The following CHERP variants were observed in gnomAD, a reference collection of about 807,000 sequenced individuals.
CHERP encodes ERPROT 213-21.
Under a neutral mutation model 113.8 loss-of-function variants are expected in CHERP, and 8 were observed. That is an observed-to-expected ratio of 0.07 (90% confidence interval 0.04 to 0.13). The LOEUF (loss-of-function observed/expected upper bound fraction) is 0.13. Among genes scored for constraint, CHERP ranks in the 10% least tolerant of loss-of-function variants. CHERP has a pLI of 1.00. For missense variants in CHERP, 884 were observed against 1,298.2 expected (o/e 0.68, Z 4.90); for synonymous variants, 559 against 524.5 (o/e 1.07, Z -0.90).
intron 3 of CHERP, among the ~76,000 whole-genome samples, chr19:16,534,991 G>A (rs1242108107): frequency 6.6e-6 from 1 of 151,940 alleles, no homozygotes; most frequent in Non-Finnish European, 1.5e-5. Context: ...CAGGAGAATC[G>A]TTTGAACTCG....
intron 2 of CHERP, among the ~76,000 whole-genome samples, chr19:16,538,807 A>C (rs1176811428): frequency 6.8e-6 from 1 of 147,342 alleles, no homozygotes; most frequent in Non-Finnish European, 1.5e-5. Flanking sequence ...AAGGGAAAGC[A>C]GCCCTTAGCT....
chr19:16,525,455 G>T lies in CHERP; in HGVS notation c.1528C>A (p.Arg510Ser). 2 of 1,545,292 alleles carry T rather than the reference G, an allele frequency of 1.3e-6. No homozygotes were observed. Reference protein sequence around the residue: ...HEQPPWGGGQREPPFRMQRPP... With the variant: ...HEQPPWGGGQSEPPFRMQRPP... ...CGCTGCATGCGGAAGGGTGGCTCGC[G>T]CTGGCCCCCGCCCCAGGGCGGCTGC... Residue 510 changes from arginine to serine, a missense_variant, in exon 10 of 17, where the codon CGC becomes AGC. By Grantham distance (110) the Arg-to-Ser change is moderately radical (BLOSUM62 -1). Transcript: ENST00000546361. The surrounding 1 kb of genome is among the most constrained non-coding windows in gnomAD (Gnocchi z 6.5).
Position 16,518,958 on chromosome 19 carries a change from T to TG in CHERP, c.*200dup. 1 of 595,830 alleles carries TG rather than the reference T, an allele frequency of 1.7e-6. No homozygotes were observed. Among genetic ancestry groups the TG allele is most frequent in the Non-Finnish European group, 2.9e-6 (1 of 343,868 alleles). The allele number at this position is 595,830 out of a possible 1,614,324, so 36.9% of individuals were successfully genotyped here. On this transcript the variant is annotated 3_prime_UTR_variant, in exon 17 of 17. Transcript: ENST00000546361. The stretch of plus-strand genomic sequence containing the variant: ...CTGCAGCGCCTCCTGGTGTGGTTTG[T>TG]GGGTGGCACCCGTGCCCTCCACGCC...
rs770045437 is a variant in CHERP, at chr19:16,525,620, AG to A, written c.1362del (p.Trp455GlyfsTer200). Reference sequence around the variant, plus strand: ...CACATGCCCTCATGGCTGTTGTTCCAGGGGGGGCAGTGGGGTGGGCCGCCCT... The same window carrying A: ...CACATGCCCTCATGGCTGTTGTTCCAGGGGGGCAGTGGGGTGGGCCGCCCT... ...HHQGGPPHCP[P>X]WNNSHEGMWG... On this transcript the variant is annotated frameshift_variant, in exon 10 of 17. Coordinates refer to ENST00000546361, the MANE Select transcript of CHERP (RefSeq NM_006387.6). LOFTEE classifies it high-confidence loss of function. This position sits in a 1 kb window ranked among gnomAD's most constrained non-coding sequence, Gnocchi z 6.5. The A allele has an allele frequency of 1.1e-5, 17 of 1,532,282 alleles. No homozygotes were observed. Among genetic ancestry groups the A allele is most frequent in the Non-Finnish European group, 1.8e-6 (2 of 1,142,038 alleles). 94.9% of individuals were successfully genotyped at this position (1,532,282 alleles called of 1,614,324 possible). A position where few individuals can be genotyped will look rare whatever the true frequency, so the allele number is the denominator to read the frequency against.
rs187004631 is a variant in CHERP, at chr19:16,529,385, G to A, written c.1129+263C>T. On this transcript the variant is annotated intron_variant, in intron 8 of 16. Transcript: ENST00000546361. ...AATAGTTACCCTAGTCTTGGGGAAT[G>A]ATCTGGGTACCTTTCCTCTATTTCT... is the stretch of plus-strand genomic sequence containing the variant. Among the ~76,000 whole-genome samples the A allele has an allele frequency of 1.1e-4, 17 of 152,310 alleles. No homozygotes were observed. In the East Asian group the frequency reaches 2.5e-3, roughly 22 times the overall value.
At chr19:16,539,186 C>T (rs1024967465) in intron 2 of CHERP, among the ~76,000 whole-genome samples, 13 of 143,072 alleles carry the variant, frequency 9.1e-5, no homozygotes, top group African/African-American at 7.9e-5. Flanking sequence ...CTCGCTCTGT[C>T]GCCCAGGCTG....
rs572265657 is a variant in CHERP, at chr19:16,525,227, C to T, written c.1741+15G>A. On this transcript the variant is annotated intron_variant, in intron 10 of 16. Coordinates refer to ENST00000546361, the MANE Select transcript of CHERP (RefSeq NM_006387.6). This position sits in a 1 kb window ranked among gnomAD's most constrained non-coding sequence, Gnocchi z 6.5. ...ATGCCTCCGCCAGGCCCTACCCAGGCGCCCGTACACTCACCGGCAGGGAAG... is the reference window on the plus strand; with the variant it reads ...ATGCCTCCGCCAGGCCCTACCCAGGTGCCCGTACACTCACCGGCAGGGAAG... The T allele has an allele frequency of 7.1e-6, 10 of 1,410,690 alleles. No homozygotes were observed. In the South Asian group the frequency reaches 1.5e-4, roughly 21 times the overall value. 87.4% of individuals were successfully genotyped at this position (1,410,690 alleles called of 1,614,324 possible). A position where few individuals can be genotyped will look rare whatever the true frequency, so the allele number is the denominator to read the frequency against.
In CHERP at chr19:16,518,954, T is replaced by A. The variant is rs1173405670; in HGVS notation, c.*205A>T. The A allele has an allele frequency of 5.1e-6, 3 of 591,468 alleles. No homozygotes were observed. The highest frequency in any genetic ancestry group is 1.9e-5 in the African/African-American group (1 of 53,264). 36.6% of individuals were successfully genotyped at this position (591,468 alleles called of 1,614,324 possible). On this transcript the variant is annotated 3_prime_UTR_variant, in exon 17 of 17. Coordinates refer to ENST00000546361, the MANE Select transcript of CHERP (RefSeq NM_006387.6). The stretch of plus-strand genomic sequence containing the variant: ...GTGGCTGCAGCGCCTCCTGGTGTGG[T>A]TTGTGGGTGGCACCCGTGCCCTCCA...
chr19:16,528,337 A>C (rs1347199282), intron 8 of CHERP, 82 bp from the exon 9 acceptor site: 75 of 1,375,986 alleles, frequency 5.5e-5, no homozygotes, highest in Non-Finnish European at 7.1e-5. Flanking sequence ...AGAGCAAACC[A>C]GGCTACCGCT....
chr19:16,525,768 T>TCA lies in CHERP; in HGVS notation c.1306-93_1306-92dup. 3.9e-5 allele frequency: 48 copies of TCA among 1,246,294 alleles called. No homozygotes were observed. The highest frequency in any genetic ancestry group is 4.8e-5 in the Non-Finnish European group (45 of 938,388). The allele number at this position is 1,246,294 out of a possible 1,614,324, so 77.2% of individuals were successfully genotyped here. On this transcript the variant is annotated intron_variant, in intron 9 of 16. Transcript: ENST00000546361. This position sits in a 1 kb window ranked among gnomAD's most constrained non-coding sequence, Gnocchi z 6.5. ...CGCTCGGCAGCATCACAGCGCTGGC[T>TCA]CAGACCATGGAGGCGCTGCCCTGGC...
chr19:16,538,983 C>A (rs1424284124), intron 2 of CHERP, among the ~76,000 whole-genome samples: 3 of 151,892 alleles, frequency 2.0e-5, no homozygotes. Context: ...TTAATTCAGA[C>A]CCCACCATCT....
rs2085638728 is a variant in CHERP at position 16,523,804 on chromosome 19, C to G, written c.1742-514G>C. ...CTAACCTGAACCCGCCACACCTCCA[C>G]CTTGGACCTCCAGCCCCCAGATCCT... On this transcript the variant is annotated intron_variant, in intron 10 of 16. Transcript: ENST00000546361. This position sits in a 1 kb window ranked among gnomAD's most constrained non-coding sequence, Gnocchi z 4.0. 6.6e-6 allele frequency among the ~76,000 whole-genome samples: 1 copy of G among 152,222 alleles called. No homozygotes were observed. Among genetic ancestry groups the G allele is most frequent in the South Asian group, 2.1e-4 (1 of 4,834 alleles).
Position 16,528,147 on chromosome 19 carries a change from T to G in CHERP, c.1238A>C (p.Gln413Pro). ...CCAAGGGGGCTTGTTTGGTGGGATC[T>G]GGTCGTGTGGCCCGGGGCCCCGGGG... ...AGPRGPGPHD[Q>P]IPPNKPPWFD... The change falls in exon 9 of 17, where the codon CAG becomes CCG. Residue 413 changes from glutamine to proline, a missense_variant. Gln to Pro is a moderately conservative substitution (Grantham distance 76). Transcript: ENST00000546361. The G allele has an allele frequency of 6.2e-7, 1 of 1,613,754 alleles. No homozygotes were observed. Among genetic ancestry groups the G allele is most frequent in the Non-Finnish European group, 8.5e-7 (1 of 1,179,926 alleles).
In CHERP at chr19:16,519,599, C is replaced by T. The variant is rs1186509254; in HGVS notation, c.2557+22G>A. 1 of 1,604,822 alleles carries T rather than the reference C, an allele frequency of 6.2e-7. No homozygotes were observed. ...GCACGCGTGAGGACCCATCCCGCGC[C>T]CTCCCCATTCCCTCGCCTTACCCAT... On this transcript the variant is annotated intron_variant, in intron 16 of 16. Coordinates refer to ENST00000546361, the MANE Select transcript of CHERP (RefSeq NM_006387.6). The surrounding 1 kb of genome is among the most constrained non-coding windows in gnomAD (Gnocchi z 6.0).
At chr19:16,524,636 C>T (rs1292324792) in intron 10 of CHERP, among the ~76,000 whole-genome samples, 2 of 151,886 alleles carry the variant, frequency 1.3e-5, no homozygotes, top group South Asian at 2.1e-4. Flanking sequence ...ATCTGTAGAC[C>T]CAGCTACTCT....
rs1049162313 is a variant in CHERP, at chr19:16,535,054, C to A, written c.384+398G>T. Among the ~76,000 whole-genome samples, 2 of 151,248 alleles carry A rather than the reference C, an allele frequency of 1.3e-5. No individual in the cohort carries two copies. The highest frequency in any genetic ancestry group is 4.9e-5 in the African/African-American group (2 of 41,122). ...TCACGCCTCTGCACTCCAGCCTGGG[C>A]GACAGAACAAGACTTAAAAAAAAAA... On this transcript the variant is annotated intron_variant, in intron 3 of 16. Transcript: ENST00000546361. This position sits in a 1 kb window ranked among gnomAD's most constrained non-coding sequence, Gnocchi z 4.3.
chr19:16,525,295 T>C lies in CHERP; in HGVS notation c.1688A>G (p.Glu563Gly). ...GAAGCGGTGGGGATAGGGCGGCCGCTCGAAGGGGTGCCGTGGCGGGAAGTC... is the reference window on the plus strand; with the variant it reads ...GAAGCGGTGGGGATAGGGCGGCCGCCCGAAGGGGTGCCGTGGCGGGAAGTC... Reference protein sequence around the residue: ...QDDFPPRHPFERPPYPHRFDY... With the variant: ...QDDFPPRHPFGRPPYPHRFDY... The change falls in exon 10 of 17, where the codon GAG (glutamate) becomes GGG (glycine). Residue 563 changes from glutamate to glycine, a missense_variant. By Grantham distance (98) the Glu-to-Gly change is moderately conservative. Coordinates refer to ENST00000546361, the MANE Select transcript of CHERP (RefSeq NM_006387.6). The surrounding 1 kb of genome is among the most constrained non-coding windows in gnomAD (Gnocchi z 6.5). The C allele has an allele frequency of 6.9e-7, 1 of 1,449,624 alleles. No individual in the cohort carries two copies. The highest frequency in any genetic ancestry group is 1.5e-5 in the South Asian group (1 of 67,054). The allele number at this position is 1,449,624 out of a possible 1,614,324, so 89.8% of individuals were successfully genotyped here.
rs185408770 is a variant in CHERP at position 16,525,092 on chromosome 19, C to A, written c.1741+150G>T. The A allele has an allele frequency of 5.4e-6, 4 of 737,904 alleles. No homozygotes were observed. Among genetic ancestry groups the A allele is most frequent in the Admixed American group, 4.2e-5 (1 of 23,654 alleles). The allele number at this position is 737,904 out of a possible 1,614,324, so 45.7% of individuals were successfully genotyped here. On this transcript the variant is annotated intron_variant, in intron 10 of 16. Transcript: ENST00000546361. The surrounding 1 kb of genome is among the most constrained non-coding windows in gnomAD (Gnocchi z 6.5). Reference sequence around the variant, plus strand: ...GTCTGTGCCCCCACTTCCTGAGAACCCAGGCCGGGCTCCTCGGACGTCCCA... The same window carrying A: ...GTCTGTGCCCCCACTTCCTGAGAACACAGGCCGGGCTCCTCGGACGTCCCA...
Position 16,532,866 on chromosome 19 carries a change from G to C in CHERP, c.523-117C>G, listed in dbSNP as rs2085716214. ...GAAGGACACACCATGAGCGTGGGGG[G>C]CACAGGGTCCCACAGCCTCAGGAGC... On this transcript the variant is annotated intron_variant, in intron 4 of 16. Coordinates refer to ENST00000546361, the MANE Select transcript of CHERP (RefSeq NM_006387.6). This position sits in a 1 kb window ranked among gnomAD's most constrained non-coding sequence, Gnocchi z 4.4. 1 of 1,527,608 alleles carries C rather than the reference G, an allele frequency of 6.5e-7. No individual in the cohort carries two copies. The highest frequency in any genetic ancestry group is 8.8e-7 in the Non-Finnish European group (1 of 1,130,722). 94.6% of individuals were successfully genotyped at this position (1,527,608 alleles called of 1,614,324 possible). A position where few individuals can be genotyped will look rare whatever the true frequency, so the allele number is the denominator to read the frequency against.
Sources: gnomAD v4.1 joint callset for allele counts (sites outside exome capture counted in the v4.1 genomes callset) on GRCh38, gnomAD v4.1.1 for gene constraint, Gnocchi (gnomAD v3.1) non-coding constraint, MANE v1.5 for transcripts, NCBI Gene and HGNC (gene_info 2026-07-23, HGNC 2026-07-21) for gene names.